Variants in AFG2A observed in about 807,000 individuals in gnomAD.
AFG2A encodes AAA ATPase AFG2A, also known as ATPase family gene 2 protein homolog A.
At chr4:123,150,279 A>G in the AFG2A span, among the ~76,000 whole-genome samples, 3 of 152,204 alleles carry the variant, frequency 2.0e-5, no homozygotes, top group African/African-American at 4.8e-5. Context: ...GGCCAGGGCA[A>G]TCAGGCAAGA....
the AFG2A span, among the ~76,000 whole-genome samples, chr4:123,091,921 A>G: frequency 8.5e-5 from 13 of 152,202 alleles, no homozygotes; most frequent in Non-Finnish European, 1.9e-4. Flanking sequence ...CTGTGTACAT[A>G]TACACATTCT....
At chr4:123,087,907 C>G in the AFG2A span, among the ~76,000 whole-genome samples, 1 of 152,180 alleles carries the variant, frequency 6.6e-6, no homozygotes, top group Non-Finnish European at 1.5e-5. Context: ...CTTCCGAGCT[C>G]TTAACGTTCT....
At chr4:123,125,489 T>C in the AFG2A span, among the ~76,000 whole-genome samples, 1 of 152,186 alleles carries the variant, frequency 6.6e-6, no homozygotes, top group Non-Finnish European at 1.5e-5. Context: ...CATCTCAATT[T>C]TAAAAATTTT....
chr4:123,003,721 G>A, the AFG2A span, among the ~76,000 whole-genome samples: 2 of 152,104 alleles, frequency 1.3e-5, no homozygotes, highest in Non-Finnish European at 1.5e-5. Flanking sequence ...CCCTACTGGG[G>A]GGTGCCTTCC....
chr4:123,260,265 C>A, the AFG2A span: 1 of 152,222 alleles, frequency 6.6e-6, no homozygotes, highest in South Asian at 2.1e-4. Context: ...ATACATTTCA[C>A]ACTGAGTTTT....
At chr4:122,929,051 C>T in the AFG2A span, 1 of 1,613,544 alleles carries the variant, frequency 6.2e-7, no homozygotes, top group Non-Finnish European at 8.5e-7. Flanking sequence ...TGTATACAGC[C>T]TGGCCTATGG....
At chr4:123,155,284 A>G in the AFG2A span, among the ~76,000 whole-genome samples, 4 of 152,046 alleles carry the variant, frequency 2.6e-5, no homozygotes, top group Non-Finnish European at 4.4e-5. Context: ...AAGTTTTGCC[A>G]TGTTGTCCAG....
the AFG2A span, among the ~76,000 whole-genome samples, chr4:122,942,502 C>G: frequency 6.6e-6 from 1 of 151,774 alleles, no homozygotes; most frequent in Non-Finnish European, 1.5e-5. Context: ...TTTTTTATTG[C>G]GTCTATTTGA....
chr4:123,007,596 G>GTGTGTGTGT, the AFG2A span, among the ~76,000 whole-genome samples: 1 of 8,178 alleles, frequency 1.2e-4, no homozygotes, highest in Non-Finnish European at 2.5e-4. Flanking sequence ...GTGTGTGTGT[G>GTGTGTGTGT]TGTGTGTGTG....
the AFG2A span, among the ~76,000 whole-genome samples, chr4:123,203,783 T>A: frequency 6.6e-6 from 1 of 152,242 alleles, no homozygotes; most frequent in Non-Finnish European, 1.5e-5. Context: ...AATCATATGA[T>A]ATATTAGTTT....
chr4:123,255,592 C>CA, the AFG2A span, among the ~76,000 whole-genome samples: 3 of 149,584 alleles, frequency 2.0e-5, no homozygotes, highest in Admixed American at 6.7e-5. Flanking sequence ...AAGGAAGTTA[C>CA]AAAAAAAATT....
At chr4:123,276,578 T>A in the AFG2A span, among the ~76,000 whole-genome samples, 1 of 152,222 alleles carries the variant, frequency 6.6e-6, no homozygotes, top group African/African-American at 2.4e-5. Context: ...CAGAATGGTA[T>A]CTCCTATGTT....
the AFG2A span, among the ~76,000 whole-genome samples, chr4:123,234,490 T>G: frequency 6.6e-6 from 1 of 152,122 alleles, no homozygotes; most frequent in Non-Finnish European, 1.5e-5. Flanking sequence ...ATTATTAGTT[T>G]GCTTATTCTA....
chr4:122,977,660 T>G, the AFG2A span, among the ~76,000 whole-genome samples: 2 of 152,248 alleles, frequency 1.3e-5, no homozygotes, highest in African/African-American at 4.8e-5. Context: ...CAGTCCTGTT[T>G]GTGTTACAGC....
At chr4:122,970,765 C>T in the AFG2A span, among the ~76,000 whole-genome samples, 6 of 152,084 alleles carry the variant, frequency 3.9e-5, no homozygotes, top group East Asian at 3.9e-4. Context: ...ATGACAAAAT[C>T]GCATAAAGAC....
At chr4:123,242,246 T>C in the AFG2A span, among the ~76,000 whole-genome samples, 1 of 152,244 alleles carries the variant, frequency 6.6e-6, no homozygotes, top group East Asian at 1.9e-4. Flanking sequence ...CTTCACAGAA[T>C]TGGAAAAAAC....
At chr4:123,000,413 T>C in the AFG2A span, among the ~76,000 whole-genome samples, 39 of 151,810 alleles carry the variant, frequency 2.6e-4, no homozygotes, top group East Asian at 3.9e-4. Context: ...CCAGTTTTTG[T>C]CCATTCAGTA....
the AFG2A span, among the ~76,000 whole-genome samples, chr4:123,007,251 T>A: frequency 6.6e-6 from 1 of 152,080 alleles, no homozygotes; most frequent in Non-Finnish European, 1.5e-5. Flanking sequence ...GTAGGGCCCT[T>A]TTTAGTACTC....
chr4:123,071,053 A>G, the AFG2A span, among the ~76,000 whole-genome samples: 2 of 152,226 alleles, frequency 1.3e-5, no homozygotes, highest in Non-Finnish European at 2.9e-5. Context: ...GAACTGACAT[A>G]TTAATTTTCC....
Sources: allele counts gnomAD v4.1 joint callset (sites outside exome capture counted in the v4.1 genomes callset), GRCh38; gene constraint gnomAD v4.1.1; transcripts MANE v1.5; gene names NCBI Gene and HGNC (gene_info 2026-07-23, HGNC 2026-07-21).